Variants in HEATR5B observed in about 807,000 individuals in gnomAD.
HEATR5B encodes HEAT repeat containing 5B.
In HEATR5B, 156 loss-of-function variants were observed where a neutral mutation model predicts 224.1. The ratio of observed to expected loss-of-function variants is 0.70; its 90% CI spans 0.61 to 0.80. The LOEUF is 0.80. Ranked by LOEUF, HEATR5B falls within the 30% of genes least tolerant of loss-of-function variation. The pLI is 0.00. For missense variants in HEATR5B, 2,323 were observed against 2,535.5 expected (o/e 0.92, Z 1.80); for synonymous variants, 1,027 against 893.0 (o/e 1.15, Z -2.68).
At chr2:36,986,539 G>A (rs1383756942) in intron 35 of HEATR5B, among the ~76,000 whole-genome samples, 1 of 152,158 alleles carries the variant, frequency 6.6e-6, no homozygotes, top group African/African-American at 2.4e-5. Context: ...TTTAAGAGAA[G>A]AGGAAAAAAT....
At chr2:37,015,256 G>T (rs763858253) in intron 26 of HEATR5B, among the ~76,000 whole-genome samples, 4 of 152,180 alleles carry the variant, frequency 2.6e-5, no homozygotes, top group African/African-American at 4.8e-5. Context: ...CATGGAAAAT[G>T]AATTTAGACT....
At chr2:37,005,783 T>A (rs773219969) in intron 29 of HEATR5B, 24 bp from the exon 30 acceptor site, 3 of 1,515,796 alleles carry the variant, frequency 2.0e-6, no homozygotes, top group Non-Finnish European at 2.7e-6. Context: ...AATAAAAACA[T>A]GTTTTTTCAC....
chr2:37,032,820 A>G (rs751012760), intron 21 of HEATR5B, 47 bp from the exon 22 acceptor site: 38 of 1,538,660 alleles, frequency 2.5e-5, no homozygotes, highest in Non-Finnish European at 3.3e-5. Context: ...AAAAGCTGTA[A>G]TTCTTTAATC....
chr2:37,005,972 T>C (rs906365886), intron 29 of HEATR5B, among the ~76,000 whole-genome samples: 8 of 152,212 alleles, frequency 5.3e-5, no homozygotes, highest in African/African-American at 1.9e-4. Flanking sequence ...AAATTAGCTA[T>C]GTGTGAAAGA....
chr2:37,053,616 A>G lies in HEATR5B; in HGVS notation c.2400-9T>C, dbSNP rs763304666. On this transcript the variant is annotated splice_polypyrimidine_tract_variant and intron_variant, in intron 16 of 35. Transcript: ENST00000233099. Reference sequence around the variant, plus strand: ...GATCCAACATTTGTAATCTATAACAATAAGAAAAAAAAATCACATTAGTGA... The same window carrying G: ...GATCCAACATTTGTAATCTATAACAGTAAGAAAAAAAAATCACATTAGTGA... 1.4e-5 allele frequency: 22 copies of G among 1,552,948 alleles called. No homozygotes were observed. Among genetic ancestry groups the G allele is most frequent in the Non-Finnish European group, 1.8e-5 (20 of 1,133,990 alleles).
At chr2:37,010,291 C>T (rs374049383) in intron 27 of HEATR5B, among the ~76,000 whole-genome samples, 3 of 152,038 alleles carry the variant, frequency 2.0e-5, no homozygotes, top group Non-Finnish European at 2.9e-5. Flanking sequence ...TTGTACCTAA[C>T]GAGAAAGCCT....
intron 25 of HEATR5B, among the ~76,000 whole-genome samples, 162 bp from the exon 26 acceptor site, chr2:37,020,039 G>T (rs1668372202): frequency 6.6e-6 from 1 of 152,076 alleles, no homozygotes; most frequent in South Asian, 2.1e-4. Context: ...AAGTAGCTGG[G>T]ATTATAGGCA....
rs1398763420 is a variant in HEATR5B, at chr2:37,002,588, ATT to A, written c.5051-18_5051-17del. On this transcript the variant is annotated splice_polypyrimidine_tract_variant and intron_variant, in intron 31 of 35. Coordinates refer to ENST00000233099, the MANE Select transcript of HEATR5B (RefSeq NM_019024.3). ...TCATCTTCATCTGAGGTAAAAGATA[ATT>A]TGGTGAAATTTCCAGCCAAAAAAAA... is the stretch of plus-strand genomic sequence containing the variant. 4.4e-6 allele frequency: 7 copies of A among 1,600,384 alleles called. No homozygotes were observed. In the South Asian group the frequency reaches 7.8e-5, roughly 18 times the overall value.
Position 37,008,712 on chromosome 2 carries a change from T to C in HEATR5B, c.4421A>G (p.Gln1474Arg). ...LPPDSLITLV[Q>R]PELPTLSRLW... ...GCGACTGAGTGTTGGTAGTTCAGGT[T>C]GTACCAGTGTTATTAAACTATCTGG... Residue 1474 changes from glutamine (Q) to arginine (R), a missense_variant, in exon 28 of 36, where the codon CAA becomes CGA. This residue lies in a region of HEATR5B where 844 missense variants were observed against 812.9 expected (regional missense o/e 1.04). Transcript: ENST00000233099. The C allele has an allele frequency of 1.2e-6, 2 of 1,614,170 alleles. No homozygotes were observed. The highest frequency in any genetic ancestry group is 1.7e-6 in the Non-Finnish European group (2 of 1,180,004).
At chr2:37,029,742 C>G (rs1669001902) in intron 22 of HEATR5B, among the ~76,000 whole-genome samples, 1 of 151,920 alleles carries the variant, frequency 6.6e-6, no homozygotes, top group South Asian at 2.1e-4. Flanking sequence ...AGTTCAAGAC[C>G]AGCCTGGCCA....
At chr2:37,012,927 C>T (rs1667878399) in intron 27 of HEATR5B, among the ~76,000 whole-genome samples, 1 of 152,210 alleles carries the variant, frequency 6.6e-6, no homozygotes, top group Admixed American at 6.5e-5. Context: ...TTGTATTTCT[C>T]CTGTGATAAT....
In HEATR5B at chr2:37,028,152, T is replaced by C. The variant is rs745398980; in HGVS notation, c.3624A>G (p.Leu1208=). ...ASSDMSTATL[L]SSGKDEEAEK... Reference sequence around the variant, plus strand: ...CAGCTTCTTCATCTTTTCCACTACTTAAGAGAGTTGCAGTACTCATATCTA... The same window carrying C: ...CAGCTTCTTCATCTTTTCCACTACTCAAGAGAGTTGCAGTACTCATATCTA... Residue 1208 remains leucine, a synonymous_variant, in exon 24 of 36, where the codon TTA becomes TTG. Coordinates refer to ENST00000233099, the MANE Select transcript of HEATR5B (RefSeq NM_019024.3). The C allele has an allele frequency of 1.1e-5, 17 of 1,606,548 alleles. No homozygotes were observed. The highest frequency in any genetic ancestry group is 1.4e-5 in the Non-Finnish European group (17 of 1,173,248).
chr2:37,050,352 G>A (rs1039087923), intron 17 of HEATR5B, among the ~76,000 whole-genome samples: 40 of 152,204 alleles, frequency 2.6e-4, no homozygotes, highest in African/African-American at 8.9e-4. Context: ...ATTTCAGAAC[G>A]TGATCTATAA....
Position 37,075,572 on chromosome 2 carries a change from T to C in HEATR5B, c.510A>G (p.Ala170=). 6.2e-7 allele frequency: 1 copy of C among 1,613,092 alleles called. No homozygotes were observed. The highest frequency in any genetic ancestry group is 8.5e-7 in the Non-Finnish European group (1 of 1,179,038). Reference sequence around the variant, plus strand: ...AAATATCACGATGGGAGGAAGCTGCTGCACCACCCAGTCCACTTAGAACTT... The same window carrying C: ...AAATATCACGATGGGAGGAAGCTGCCGCACCACCCAGTCCACTTAGAACTT... ...LQKVLSGLGG[A]AASSHRDIYK... is the part of the protein sequence containing the mutation. Residue 170 remains alanine, a synonymous_variant, in exon 5 of 36, where the codon GCA becomes GCG. Transcript: ENST00000233099.
intron 4 of HEATR5B, among the ~76,000 whole-genome samples, chr2:37,076,565 TA>T (rs1434383150): frequency 1.3e-5 from 2 of 150,576 alleles, no homozygotes; most frequent in African/African-American, 4.9e-5. Context: ...TGTGAGACAA[TA>T]AATTGTTGTT....
At chr2:37,022,281 C>T (rs1276475800) in intron 24 of HEATR5B, among the ~76,000 whole-genome samples, 3 of 151,932 alleles carry the variant, frequency 2.0e-5, no homozygotes, top group African/African-American at 4.8e-5. Context: ...AGGGTTCAAG[C>T]GATTCTCCTG....
Position 37,068,928 on chromosome 2 carries a change from C to A in HEATR5B, c.930G>T (p.Ala310=). 1 of 1,609,928 alleles carries A rather than the reference C, an allele frequency of 6.2e-7. No individual in the cohort carries two copies. The highest frequency in any genetic ancestry group is 8.5e-7 in the Non-Finnish European group (1 of 1,176,704). The change falls in exon 8 of 36, where the codon GCG becomes GCT. Residue 310 remains alanine (A), a splice_region_variant and synonymous_variant. Coordinates refer to ENST00000233099, the MANE Select transcript of HEATR5B (RefSeq NM_019024.3). ...CCAATGTTGTCACAAAAACAACATACGCCTGTAAAAAGAGGAAGGTACGAC... is the reference window on the plus strand; with the variant it reads ...CCAATGTTGTCACAAAAACAACATAAGCCTGTAAAAAGAGGAAGGTACGAC... ...NREVRVGVTQ[A]YVVFVTTLGG... is the part of the protein sequence containing the mutation.
intron 3 of HEATR5B, among the ~76,000 whole-genome samples, chr2:37,077,270 A>G (rs1672293403): frequency 6.6e-6 from 1 of 152,208 alleles, no homozygotes; most frequent in Admixed American, 6.5e-5. Context: ...TATGTACATA[A>G]TAAATCATAC....
intron 2 of HEATR5B, among the ~76,000 whole-genome samples, chr2:37,081,298 G>T (rs1387160122): frequency 6.6e-6 from 1 of 152,110 alleles, no homozygotes. Context: ...GTATACATGT[G>T]CCATGTTGGT....
Sources: gnomAD v4.1 joint callset for allele counts (sites outside exome capture counted in the v4.1 genomes callset) on GRCh38, gnomAD v4.1.1 for gene constraint, gnomAD v4.1.1 regional missense constraint, MANE v1.5 for transcripts, NCBI Gene and HGNC (gene_info 2026-07-23, HGNC 2026-07-21) for gene names.